LMBRD1: variants seen among roughly 807,000 people sequenced by gnomAD.
LMBRD1 encodes the protein lysosomal cobalamin transport escort protein LMBD1.
LMBRD1 carries 64 observed loss-of-function variants against 74.8 expected under a neutral mutation model. That is an observed-to-expected ratio of 0.86 (90% CI 0.70 to 1.05). LMBRD1 has a LOEUF of 1.05. Among genes scored for constraint, LMBRD1 ranks in the 50% least tolerant of loss-of-function variants. The probability of loss-of-function intolerance (pLI) is 0.00; values close to 1 mark genes in which losing one functional copy is unlikely to be tolerated. For missense variants in LMBRD1, 652 were observed against 645.9 expected, an observed-to-expected ratio of 1.01 and a Z score of -0.10; for synonymous variants, 204 against 216.3, an observed-to-expected ratio of 0.94 and a Z score of 0.50.
chr6:69,745,170 T>C (rs1272180456), intron 5 of LMBRD1, among the ~76,000 whole-genome samples: 1 of 151,816 alleles, frequency 6.6e-6, no homozygotes, highest in African/African-American at 2.4e-5. Context: ...GTCATACATA[T>C]TTATTTTCAT....
rs913014409 is a variant in LMBRD1, at chr6:69,796,909, G to C, written c.-28C>G. ...TCGCTTCCGGTCCAGACCAACCTGA[G>C]CGCCCGGGGTGGGGAAAGGGGAGGG... On this transcript the variant is annotated 5_prime_UTR_variant, in exon 1 of 16. Transcript: ENST00000649934. The C allele has an allele frequency of 1.2e-6, 2 of 1,610,412 alleles. No homozygotes were observed. The highest frequency in any genetic ancestry group is 2.7e-5 in the African/African-American group (2 of 74,852).
intron 14 of LMBRD1, among the ~76,000 whole-genome samples, chr6:69,683,568 A>T (rs1301831690): frequency 6.6e-6 from 1 of 152,098 alleles, no homozygotes; most frequent in African/African-American, 2.4e-5. Flanking sequence ...TTATGGGTTT[A>T]CTATAATCAA....
At chr6:69,704,452 A>T (rs1766204355) in intron 9 of LMBRD1, among the ~76,000 whole-genome samples, 1 of 152,024 alleles carries the variant, frequency 6.6e-6, no homozygotes, top group Admixed American at 6.6e-5. Flanking sequence ...ATCATCTGTT[A>T]TTATCATTAT....
chr6:69,711,375 T>A (rs1432860718), intron 9 of LMBRD1, among the ~76,000 whole-genome samples: 1 of 152,166 alleles, frequency 6.6e-6, no homozygotes, highest in East Asian at 1.9e-4. Flanking sequence ...GGATGCCCTA[T>A]CTATCTATAT....
intron 2 of LMBRD1, among the ~76,000 whole-genome samples, chr6:69,782,198 T>C (rs539977167): frequency 6.6e-6 from 1 of 152,368 alleles, no homozygotes; most frequent in African/African-American, 2.4e-5. Context: ...AGTTTATTCA[T>C]TGGACAATAC....
At chr6:69,698,871 G>A (rs1766063496) in intron 13 of LMBRD1, among the ~76,000 whole-genome samples, 172 bp downstream of exon 13, 1 of 151,648 alleles carries the variant, frequency 6.6e-6, no homozygotes, top group Admixed American at 6.6e-5. Context: ...AAAAACAACA[G>A]TATGAAACAA....
At chr6:69,794,887 T>G (rs1766176995) in intron 1 of LMBRD1, among the ~76,000 whole-genome samples, 1 of 152,228 alleles carries the variant, frequency 6.6e-6, no homozygotes, top group East Asian at 1.9e-4. Flanking sequence ...CCTTTCAAAG[T>G]GCAAGATGGG....
At chr6:69,730,690 T>C (rs1289835841) in intron 7 of LMBRD1, among the ~76,000 whole-genome samples, 2 of 152,074 alleles carry the variant, frequency 1.3e-5, no homozygotes, top group Non-Finnish European at 2.9e-5. Flanking sequence ...TAATATGATT[T>C]GACATTAAAG....
chr6:69,753,083 T>C (rs572785434), intron 3 of LMBRD1, among the ~76,000 whole-genome samples: 108 of 152,302 alleles, frequency 7.1e-4, no homozygotes, highest in Non-Finnish European at 1.2e-3. Context: ...CTGATAGGAA[T>C]TACTATTTAT....
intron 6 of LMBRD1, among the ~76,000 whole-genome samples, chr6:69,738,963 C>T (rs954189527): frequency 6.6e-6 from 1 of 152,012 alleles, no homozygotes; most frequent in African/African-American, 2.4e-5. Context: ...ATAAAGAAGG[C>T]ATATTATTAA....
intron 8 of LMBRD1, 117 bp downstream of exon 8, chr6:69,718,839 C>A: frequency 9.3e-7 from 1 of 1,074,092 alleles, no homozygotes; most frequent in Non-Finnish European, 1.4e-6. Context: ...AGATATGCTG[C>A]AAAAAATTCA....
intron 14 of LMBRD1, among the ~76,000 whole-genome samples, chr6:69,687,581 T>C (rs2149837861): frequency 6.6e-6 from 1 of 152,286 alleles, no homozygotes; most frequent in East Asian, 1.9e-4. Context: ...AAATTTATCT[T>C]AGAATTTCAC....
intron 9 of LMBRD1, among the ~76,000 whole-genome samples, chr6:69,704,061 A>T (rs78149587): frequency 0.084 from 12,751 of 152,090 alleles, 677 homozygotes; most frequent in Admixed American, 0.15. Context: ...TCAATACATC[A>T]TATCAAGTGG....
intron 3 of LMBRD1, among the ~76,000 whole-genome samples, chr6:69,761,243 C>G (rs1243867562): frequency 6.6e-6 from 1 of 152,062 alleles, no homozygotes; most frequent in Non-Finnish European, 1.5e-5. Context: ...CAGTTGTTTT[C>G]CCCATGGATA....
At chr6:69,685,572 G>A (rs1386561779) in intron 14 of LMBRD1, among the ~76,000 whole-genome samples, 2 of 152,036 alleles carry the variant, frequency 1.3e-5, no homozygotes, top group Non-Finnish European at 2.9e-5. Flanking sequence ...AGGCTGAGGC[G>A]GGCAGATCAC....
intron 3 of LMBRD1, among the ~76,000 whole-genome samples, chr6:69,763,711 C>G (rs77732788): frequency 6.6e-6 from 1 of 152,148 alleles, no homozygotes; most frequent in Non-Finnish European, 1.5e-5. Context: ...AACACTGCCC[C>G]GCAGAATGGT....
In LMBRD1 at chr6:69,675,320, T is replaced by C. The variant is rs990599013; in HGVS notation, c.*838A>G. Reference sequence around the variant, plus strand: ...TATCCAGAATGTGTTCAAAATACCCTACTGATGTCATACAGCTTTCATTAC... The same window carrying C: ...TATCCAGAATGTGTTCAAAATACCCCACTGATGTCATACAGCTTTCATTAC... On this transcript the variant is annotated 3_prime_UTR_variant, in exon 16 of 16. Coordinates refer to ENST00000649934, the MANE Select transcript of LMBRD1 (RefSeq NM_018368.4). Among the ~76,000 whole-genome samples, 2 of 152,272 alleles carry C rather than the reference T, an allele frequency of 1.3e-5. No individual in the cohort carries two copies. The highest frequency in any genetic ancestry group is 2.4e-5 in the African/African-American group (1 of 41,578).
intron 3 of LMBRD1, among the ~76,000 whole-genome samples, chr6:69,772,925 C>A (rs1765605639): frequency 6.6e-6 from 1 of 152,122 alleles, no homozygotes; most frequent in Admixed American, 6.5e-5. Context: ...GAATAAACAG[C>A]AGTAAATAAC....
rs758878362 is a variant in LMBRD1, at chr6:69,790,391, T to C, written c.151A>G (p.Ile51Val). 1.1e-5 allele frequency: 18 copies of C among 1,613,754 alleles called. No individual in the cohort carries two copies. The East Asian group carries it at 2.2e-4, about 20-fold the overall frequency. Reference protein sequence around the residue: ...ESEVVSTITAIFSLAIALITS... With the variant: ...ESEVVSTITAVFSLAIALITS... ...ATAAGTGCAATTGCTAGAGAAAAAA[T>C]TGCTGTTATGGTGGAGACAACTTCA... Residue 51 changes from isoleucine to valine, a missense_variant, in exon 2 of 16, where the codon ATT (isoleucine) becomes GTT (valine). Physicochemically the swap from Ile to Val is conservative, Grantham distance 29. This residue lies in a region of LMBRD1 where 598 missense variants were observed against 581.8 expected (regional missense o/e 1.03). Transcript: ENST00000649934.
Sources: allele counts gnomAD v4.1 joint callset (sites outside exome capture counted in the v4.1 genomes callset), GRCh38; gene constraint gnomAD v4.1.1; regional missense constraint gnomAD v4.1.1; transcripts MANE v1.5; gene names NCBI Gene and HGNC (gene_info 2026-07-23, HGNC 2026-07-21).